ROBO2: variants seen among roughly 807,000 people sequenced by gnomAD.
ROBO2 encodes roundabout homolog 2.
In ROBO2, 53 loss-of-function variants were observed where a neutral mutation model predicts 160.8. That is an observed-to-expected ratio of 0.33 (90% confidence interval 0.26 to 0.41). ROBO2 has a LOEUF of 0.41. ROBO2 is among the 10% of genes least tolerant of loss of function. The pLI is 1.00. For missense variants in ROBO2, 1,577 were observed against 1,722.4 expected, an observed-to-expected ratio of 0.92 and a Z score of 1.49; for synonymous variants, 664 against 611.7, an observed-to-expected ratio of 1.09 and a Z score of -1.26.
At chr3:76,273,145 A>G (rs1447877638) in intron 2 of ROBO2, among the ~76,000 whole-genome samples, 3 of 128,560 alleles carry the variant, frequency 2.3e-5, no homozygotes, top group Admixed American at 1.9e-4. Context: ...ATATATATAT[A>G]TACACATTTC....
At chr3:76,481,297 G>A (rs1409886322) in intron 2 of ROBO2, among the ~76,000 whole-genome samples, 10 of 152,024 alleles carry the variant, frequency 6.6e-5, no homozygotes, top group South Asian at 2.1e-4. Flanking sequence ...TTGTAATTGC[G>A]GGAGGGAAAA....
rs185733430 is a variant in ROBO2, at chr3:77,306,564, A to G, written c.389-170850A>G. 2.0e-4 allele frequency among the ~76,000 whole-genome samples: 31 copies of G among 152,268 alleles called. No individual in the cohort carries two copies. In the East Asian group the frequency reaches 6.0e-3, roughly 29 times the overall value. ...TAAAAATCCTGTGTGACCCTGTCTTAAAGAGGTAAGTTCACTAATAGACCA... is the reference window on the plus strand; with the variant it reads ...TAAAAATCCTGTGTGACCCTGTCTTGAAGAGGTAAGTTCACTAATAGACCA... On this transcript the variant is annotated intron_variant, in intron 2 of 25. Coordinates refer to ENST00000461745, the Ensembl canonical transcript of ROBO2.
chr3:76,468,429 A>G (rs2078473985), intron 2 of ROBO2, among the ~76,000 whole-genome samples: 1 of 152,086 alleles, frequency 6.6e-6, no homozygotes, highest in African/African-American at 2.4e-5. Context: ...GGAAACGTGC[A>G]AAAGCAATGA....
intron 2 of ROBO2, among the ~76,000 whole-genome samples, chr3:77,276,324 A>T (rs548407559): frequency 2.6e-4 from 39 of 152,130 alleles, no homozygotes; most frequent in Non-Finnish European, 5.0e-4. Context: ...ATTTTTCCTA[A>T]TTGCTATTCC....
chr3:76,892,803 C>T (rs1158015869), intron 2 of ROBO2, among the ~76,000 whole-genome samples: 2 of 152,208 alleles, frequency 1.3e-5, no homozygotes, highest in African/African-American at 2.4e-5. Flanking sequence ...CACTTTCTCT[C>T]TTCCCAAGAT....
intron 2 of ROBO2, among the ~76,000 whole-genome samples, chr3:76,194,350 G>GTGTGTATATATATATA (rs759087780): frequency 2.6e-4 from 11 of 42,048 alleles, no homozygotes; most frequent in African/African-American, 6.5e-4. Flanking sequence ...TGTATGGTGT[G>GTGTGTATATATATATA]TAAATATATA....
At chr3:77,221,933 A>C (rs1445512796) in intron 2 of ROBO2, among the ~76,000 whole-genome samples, 4 of 145,548 alleles carry the variant, frequency 2.7e-5, no homozygotes, top group African/African-American at 7.7e-5. Context: ...GCTCACTACA[A>C]CCTCCGCCTC....
intron 2 of ROBO2, among the ~76,000 whole-genome samples, chr3:77,432,001 A>G (rs1366226199): frequency 6.6e-6 from 1 of 152,190 alleles, no homozygotes; most frequent in Non-Finnish European, 1.5e-5. Flanking sequence ...TAGGTTGGAT[A>G]TTGATGTAAC....
At chr3:77,375,721 A>C (rs913479207) in intron 2 of ROBO2, among the ~76,000 whole-genome samples, 5 of 152,222 alleles carry the variant, frequency 3.3e-5, no homozygotes, top group African/African-American at 9.6e-5. Context: ...CTTTCATTCT[A>C]GGACAAACAT....
intron 2 of ROBO2, among the ~76,000 whole-genome samples, chr3:75,980,764 T>C (rs562440752): frequency 6.6e-6 from 1 of 151,676 alleles, no homozygotes; most frequent in Non-Finnish European, 1.5e-5. Flanking sequence ...GATGTTTGTG[T>C]TGGCTTTCCT....
At position 77,294,604 on chromosome 3, in the gene ROBO2, A is replaced by C. The variant is rs940081471; in HGVS notation, c.389-182810A>C. Among the ~76,000 whole-genome samples, 8 of 149,238 alleles carry C rather than the reference A, an allele frequency of 5.4e-5. 1 individual carries two copies. Among genetic ancestry groups the C allele is most frequent in the African/African-American group, 1.5e-4 (6 of 38,892 alleles). Reference sequence around the variant, plus strand: ...AGGTAAGCTGAGGCTAGATCATCAAAGACATAAAGTAAAATTGACGGTTAA... The same window carrying C: ...AGGTAAGCTGAGGCTAGATCATCAACGACATAAAGTAAAATTGACGGTTAA... On this transcript the variant is annotated intron_variant, in intron 2 of 25. Transcript: ENST00000461745.
intron 2 of ROBO2, among the ~76,000 whole-genome samples, chr3:76,963,836 CAA>C (rs11407644): frequency 1.9e-5 from 2 of 106,222 alleles, no homozygotes; most frequent in African/African-American, 3.3e-5. Context: ...TGAGGAACTG[CAA>C]AAAAAAAAAA....
intron 2 of ROBO2, among the ~76,000 whole-genome samples, chr3:77,406,217 A>T (rs2076241845): frequency 6.6e-6 from 1 of 152,120 alleles, no homozygotes; most frequent in Admixed American, 6.6e-5. Context: ...GAACTCACTC[A>T]CTCACTGTCA....
intron 2 of ROBO2, among the ~76,000 whole-genome samples, chr3:76,447,269 C>T (rs1481154279): frequency 2.4e-4 from 37 of 152,154 alleles, no homozygotes; most frequent in Admixed American, 2.4e-3. Context: ...GACATTTATG[C>T]AGCCAAAAAA....
intron 2 of ROBO2, among the ~76,000 whole-genome samples, chr3:77,010,914 C>T (rs1422609363): frequency 7.6e-6 from 1 of 131,556 alleles, no homozygotes; most frequent in African/African-American, 2.7e-5. Flanking sequence ...TCCTTTCTTC[C>T]TTCCTTCCTA....
chr3:77,033,774 C>T (rs1286139062), intron 2 of ROBO2, among the ~76,000 whole-genome samples: 2 of 151,626 alleles, frequency 1.3e-5, no homozygotes, highest in African/African-American at 4.8e-5. Flanking sequence ...TTGCTAAAAA[C>T]CAAAAATTAA....
chr3:77,543,104 G>C (rs1370952596), intron 6 of ROBO2, among the ~76,000 whole-genome samples: 1 of 151,932 alleles, frequency 6.6e-6, no homozygotes, highest in African/African-American at 2.4e-5. Flanking sequence ...TCAGCTCTTA[G>C]TTGTCCTCCA....
intron 2 of ROBO2, among the ~76,000 whole-genome samples, chr3:76,077,116 A>G (rs1393271140): frequency 1.3e-5 from 2 of 152,212 alleles, no homozygotes; most frequent in East Asian, 3.9e-4. Context: ...GTACACAATA[A>G]ATGCAGTATG....
intron 2 of ROBO2, among the ~76,000 whole-genome samples, chr3:76,260,183 C>T (rs965702876): frequency 2.0e-5 from 3 of 152,038 alleles, no homozygotes; most frequent in Non-Finnish European, 4.4e-5. Context: ...TGCGGAATCC[C>T]AGTGCTGATA....
Sources: allele counts gnomAD v4.1 joint callset (sites outside exome capture counted in the v4.1 genomes callset), GRCh38; gene constraint gnomAD v4.1.1; transcripts MANE v1.5; gene names NCBI Gene and HGNC (gene_info 2026-07-23, HGNC 2026-07-21).